TNFAIP8L3: variants seen among roughly 807,000 people sequenced by gnomAD.
TNFAIP8L3 encodes tumor necrosis factor alpha-induced protein 8-like protein 3.
A neutral mutation model predicts 11.8 loss-of-function variants in TNFAIP8L3; 7 were observed. That is an observed-to-expected ratio of 0.59 (90% confidence interval 0.34 to 1.11). The LOEUF (loss-of-function observed/expected upper bound fraction) is 1.11. Among genes scored for constraint, TNFAIP8L3 ranks in the 50% most tolerant of loss-of-function variants. The pLI is 0.03. For synonymous variants in TNFAIP8L3, 98 were observed against 103.8 expected, an observed-to-expected ratio of 0.94 and a Z score of 0.34; for missense variants, 219 against 258.6, an observed-to-expected ratio of 0.85 and a Z score of 1.05.
At chr15:51,101,762 C>T (rs1249227640) in intron 1 of TNFAIP8L3, among the ~76,000 whole-genome samples, 1 of 151,378 alleles carries the variant, frequency 6.6e-6, no homozygotes, top group Non-Finnish European at 1.5e-5. Flanking sequence ...CTGGCTAACA[C>T]AGTGAAACCC....
At chr15:51,096,351 T>C (rs565978028), upstream of TNFAIP8L3, among the ~76,000 whole-genome samples, 3 of 152,334 alleles carry the variant, frequency 2.0e-5, no homozygotes, top group African/African-American at 7.2e-5. Flanking sequence ...ATTGATGAAA[T>C]GGTCAAAAGA....
chr15:51,058,265 G>A lies in TNFAIP8L3; in HGVS notation c.231C>T (p.Ile77=). The change falls in exon 2 of 2, where the codon ATC becomes ATT. Residue 77 remains isoleucine, a synonymous_variant. Transcript: ENST00000637513. ...HTHNKKEAHK[I]MKDLIKVAIK... ...TCGCCACCTTGATTAAGTCTTTCAT[G>A]ATCTTGTGGGCTTCCTTCTTGTTGT... 6.2e-7 allele frequency: 1 copy of A among 1,614,182 alleles called. No homozygotes were observed. The highest frequency in any genetic ancestry group is 1.3e-5 in the African/African-American group (1 of 75,046).
At chr15:51,101,488 G>A (rs941602401) in intron 1 of TNFAIP8L3, among the ~76,000 whole-genome samples, 2 of 152,062 alleles carry the variant, frequency 1.3e-5, no homozygotes. Flanking sequence ...CAGCGTGGTG[G>A]TGCATGCCTA....
At chr15:51,062,587 A>G (rs2065248167) in intron 1 of TNFAIP8L3, among the ~76,000 whole-genome samples, 2 of 152,376 alleles carry the variant, frequency 1.3e-5, no homozygotes, top group African/African-American at 2.4e-5. Flanking sequence ...CAGTCTGCCC[A>G]TCTACCATTC....
intron 1 of TNFAIP8L3, among the ~76,000 whole-genome samples, chr15:51,071,430 C>A (rs1230620714): frequency 6.6e-6 from 1 of 151,908 alleles, no homozygotes; most frequent in African/African-American, 2.4e-5. Flanking sequence ...TTTTTTTCAT[C>A]TATCCACGTT....
chr15:51,099,155 T>G (rs2140985800), upstream of TNFAIP8L3, among the ~76,000 whole-genome samples: 1 of 152,360 alleles, frequency 6.6e-6, no homozygotes, highest in Middle Eastern at 3.4e-3. Flanking sequence ...TTTGAGTTCA[T>G]TCTTGCATTT....
intron 1 of TNFAIP8L3, among the ~76,000 whole-genome samples, chr15:51,092,341 A>G (rs894798714): frequency 9.9e-5 from 15 of 152,250 alleles, no homozygotes; most frequent in Admixed American, 9.2e-4. Context: ...ACAAAGGTCA[A>G]TCTCTAAGGA....
chr15:51,085,118 C>T (rs984337364), intron 1 of TNFAIP8L3, among the ~76,000 whole-genome samples: 2 of 151,568 alleles, frequency 1.3e-5, no homozygotes, highest in Non-Finnish European at 2.9e-5. Flanking sequence ...TTTGACTCAG[C>T]GAATTATGAA....
intron 1 of TNFAIP8L3, among the ~76,000 whole-genome samples, chr15:51,104,573 G>T (rs979560540): frequency 6.6e-6 from 1 of 152,108 alleles, no homozygotes; most frequent in Admixed American, 6.6e-5. Context: ...CTGCAGCCTC[G>T]TCCCTGATGA....
At chr15:51,101,823 G>A (rs1256367626) in intron 1 of TNFAIP8L3, among the ~76,000 whole-genome samples, 1 of 139,694 alleles carries the variant, frequency 7.2e-6, no homozygotes, top group East Asian at 2.2e-4. Context: ...GCGGGCGCCT[G>A]TAGTCCCAGC....
upstream of TNFAIP8L3, among the ~76,000 whole-genome samples, chr15:51,098,715 C>T (rs528249003): frequency 9.2e-5 from 14 of 152,306 alleles, no homozygotes; most frequent in Admixed American, 3.3e-4. Context: ...ATTGCAGTCA[C>T]GGTTAACATA....
chr15:51,079,646 A>T (rs2065377724), intron 1 of TNFAIP8L3, among the ~76,000 whole-genome samples: 1 of 152,132 alleles, frequency 6.6e-6, no homozygotes, highest in Admixed American at 6.5e-5. Context: ...TTTTCTTTTT[A>T]TTAAGAAAAT....
At chr15:51,062,466 G>T (rs2065247612) in intron 1 of TNFAIP8L3, among the ~76,000 whole-genome samples, 1 of 152,102 alleles carries the variant, frequency 6.6e-6, no homozygotes, top group Non-Finnish European at 1.5e-5. Context: ...AGATGAGTTT[G>T]TATATTAGTA....
At chr15:51,084,139 G>A (rs1301541996) in intron 1 of TNFAIP8L3, among the ~76,000 whole-genome samples, 2 of 152,164 alleles carry the variant, frequency 1.3e-5, no homozygotes, top group Admixed American at 6.5e-5. Flanking sequence ...ACTGTGAGGG[G>A]AGATTTCTCC....
chr15:51,099,629 G>T (rs1244456312), upstream of TNFAIP8L3, among the ~76,000 whole-genome samples: 7 of 152,092 alleles, frequency 4.6e-5, no homozygotes, highest in Admixed American at 4.6e-4. Flanking sequence ...ATTCATTTTG[G>T]CTATGGGATG....
At chr15:51,081,482 C>A (rs767686560) in intron 1 of TNFAIP8L3, among the ~76,000 whole-genome samples, 24 of 152,138 alleles carry the variant, frequency 1.6e-4, no homozygotes, top group Admixed American at 6.5e-5. Flanking sequence ...CTGTCATGTG[C>A]CCCATGACTC....
At chr15:51,079,523 C>T (rs1379464713) in intron 1 of TNFAIP8L3, among the ~76,000 whole-genome samples, 1 of 152,194 alleles carries the variant, frequency 6.6e-6, no homozygotes, top group Non-Finnish European at 1.5e-5. Flanking sequence ...CATTCACACT[C>T]ATGTCAGGAA....
chr15:51,104,446 C>T (rs1184416209), intron 1 of TNFAIP8L3, among the ~76,000 whole-genome samples: 1 of 152,170 alleles, frequency 6.6e-6, no homozygotes, highest in African/African-American at 2.4e-5. Flanking sequence ...AAGAACTACC[C>T]AGAGTCCACG....
chr15:51,074,276 G>A (rs371241858), intron 1 of TNFAIP8L3, among the ~76,000 whole-genome samples: 4 of 152,152 alleles, frequency 2.6e-5, no homozygotes, highest in East Asian at 1.9e-4. Context: ...CATTTCACTC[G>A]ACATTCTGAG....
Sources: allele counts gnomAD v4.1 joint callset (sites outside exome capture counted in the v4.1 genomes callset), GRCh38; gene constraint gnomAD v4.1.1; transcripts MANE v1.5; gene names NCBI Gene and HGNC (gene_info 2026-07-23, HGNC 2026-07-21).